Variants in RNASE9 observed in about 807,000 individuals in gnomAD.
RNASE9 encodes the protein inactive ribonuclease-like protein 9.
For synonymous variants in RNASE9, 95 were observed against 87.6 expected (o/e 1.08, Z -0.47); for missense variants, 263 against 247.1 (o/e 1.06, Z -0.43).
intron 1 of RNASE9, chr14:20,560,194 A>T: frequency 6.6e-6 from 1 of 152,282 alleles, no homozygotes; most frequent in East Asian, 1.9e-4. Context: ...TTTAAATTAA[A>T]TTAATTTTTA....
rs964096098 is a variant in RNASE9, at chr14:20,558,322, T to C, written c.-1253A>G. The stretch of plus-strand genomic sequence containing the variant: ...GCTGGATACTAAGTTTGTATATATG[T>C]GTGTAGAAAGGTTAGAGAATGATGG... On this transcript the variant is annotated 5_prime_UTR_variant, in exon 3 of 3. Transcript: ENST00000555230. 27 of 619,278 alleles carry C rather than the reference T, an allele frequency of 4.4e-5. 1 individual carries two copies. Among genetic ancestry groups the C allele is most frequent in the South Asian group, 2.7e-4 (14 of 52,582 alleles). The allele number at this position is 619,278 out of a possible 1,614,324, so 38.4% of individuals were successfully genotyped here.
chr14:20,556,589 T>C, exon 3 of RNASE9: 1 of 1,613,918 alleles, frequency 6.2e-7, no homozygotes, highest in Non-Finnish European at 8.5e-7. Flanking sequence ...ACGTAGCCCT[T>C]CCTATAAAGT....
Position 20,557,098 on chromosome 14 carries a change from G to A in RNASE9, c.-29C>T, listed in dbSNP as rs376444461. ...TCCTGCAGACACTAAAAGAGATAACGGGATATGTTCTATTGTGATAATGTG... is the reference window on the plus strand; with the variant it reads ...TCCTGCAGACACTAAAAGAGATAACAGGATATGTTCTATTGTGATAATGTG... On this transcript the variant is annotated 5_prime_UTR_variant, in exon 3 of 3. Coordinates refer to ENST00000555230, the Ensembl canonical transcript of RNASE9. 1.2e-5 allele frequency: 19 copies of A among 1,584,230 alleles called. No homozygotes were observed. Among genetic ancestry groups the A allele is most frequent in the Middle Eastern group, 1.7e-4 (1 of 5,914 alleles).
At chr14:20,556,727 T>C in exon 3 of RNASE9, 1 of 1,613,938 alleles carries the variant, frequency 6.2e-7, no homozygotes, top group East Asian at 2.2e-5. Context: ...TTGTAACAGA[T>C]TTTTTGGAGC....
chr14:20,556,714 C>G, exon 3 of RNASE9: 1 of 1,613,960 alleles, frequency 6.2e-7, no homozygotes, highest in Non-Finnish European at 8.5e-7. Context: ...TGGCACAAAT[C>G]TGTTGTAACA....
chr14:20,556,979 T>C lies in RNASE9; in HGVS notation c.91A>G (p.Thr31Ala), dbSNP rs779860869. Residue 31 changes from threonine to alanine, a missense_variant, in exon 3 of 3, where the codon ACA becomes GCA. By Grantham distance (58) the Thr-to-Ala change is moderately conservative. Transcript: ENST00000555230. Reference sequence around the variant, plus strand: ...TCTTCTTCTGGGAAATCAAAATCTGTATCCACCTCTTGAAACTGCACCAGC... The same window carrying C: ...TCTTCTTCTGGGAAATCAAAATCTGCATCCACCTCTTGAAACTGCACCAGC... 4.3e-6 allele frequency: 7 copies of C among 1,614,156 alleles called. No homozygotes were observed. In the Admixed American group the frequency reaches 1.2e-4, roughly 27 times the overall value.
chr14:20,558,725 G>A (rs995006438), intron 2 of RNASE9: 30 of 766,440 alleles, frequency 3.9e-5, no homozygotes, highest in South Asian at 1.5e-4. Context: ...TCTACTTCCC[G>A]AGAACATGCA....
chr14:20,559,122 T>C (rs1345204049), intron 2 of RNASE9, among the ~76,000 whole-genome samples: 2 of 149,922 alleles, frequency 1.3e-5, no homozygotes, highest in East Asian at 1.9e-4. Context: ...ATCATTTTAC[T>C]GTTTTTTTTT....
exon 2 of RNASE9, chr14:20,559,592 C>T (rs188048326): frequency 4.6e-5 from 7 of 152,314 alleles, no homozygotes; most frequent in Admixed American, 3.9e-4. Flanking sequence ...CTGTGGAATG[C>T]AGGCTTCTTG....
exon 3 of RNASE9, chr14:20,557,123 G>C (rs980879574): frequency 1.4e-5 from 21 of 1,538,750 alleles, no homozygotes; most frequent in Non-Finnish European, 1.7e-5. Context: ...GTGATAATGT[G>C]CTTGCTTCCA....
At chr14:20,560,259 T>C (rs1230387270) in intron 1 of RNASE9, 1 of 152,128 alleles carries the variant, frequency 6.6e-6, no homozygotes, top group Non-Finnish European at 1.5e-5. Context: ...CATGATCATA[T>C]AATAATTATA....
exon 3 of RNASE9, chr14:20,558,005 T>G (rs1308925980): frequency 6.0e-6 from 1 of 166,884 alleles, no homozygotes; most frequent in Non-Finnish European, 1.3e-5. Flanking sequence ...TCAGTCTGGT[T>G]TCCCTTCTTA....
chr14:20,556,566 A>G, exon 3 of RNASE9: 1 of 1,613,948 alleles, frequency 6.2e-7, no homozygotes, highest in African/African-American at 1.3e-5. Context: ...TTTGCCATGA[A>G]CAAGTGATAA....
intron 1 of RNASE9, among the ~76,000 whole-genome samples, chr14:20,559,984 C>A (rs991709928): frequency 6.6e-6 from 1 of 152,088 alleles, no homozygotes; most frequent in African/African-American, 2.4e-5. Context: ...TCTATCTAGT[C>A]TCTCCTCCTA....
exon 3 of RNASE9, chr14:20,556,919 A>G: frequency 1.2e-6 from 2 of 1,614,066 alleles, no homozygotes; most frequent in Non-Finnish European, 1.7e-6. Flanking sequence ...GTACTAAAAA[A>G]TTTTTCCAAA....
intron 2 of RNASE9, among the ~76,000 whole-genome samples, chr14:20,558,885 T>C (rs1485844706): frequency 6.6e-6 from 1 of 152,232 alleles, no homozygotes; most frequent in African/African-American, 2.4e-5. Flanking sequence ...TTGTTACTTT[T>C]ATAGATTTTT....
At chr14:20,556,511 C>G in exon 3 of RNASE9, 4 of 1,613,740 alleles carry the variant, frequency 2.5e-6, no homozygotes, top group Non-Finnish European at 3.4e-6. Flanking sequence ...TCAGGTGGCT[C>G]CACGAGATCA....
chr14:20,557,148 C>T, exon 3 of RNASE9: 1 of 1,441,222 alleles, frequency 6.9e-7, no homozygotes, highest in Non-Finnish European at 9.4e-7. Context: ...CTGTGTGGGG[C>T]ACAGTTATGC....
chr14:20,559,776 T>C (rs1566554013), intron 1 of RNASE9, 143 bp from the exon 2 acceptor site: 1 of 152,246 alleles, frequency 6.6e-6, no homozygotes, highest in Non-Finnish European at 1.5e-5. Context: ...GGAAAACGTT[T>C]GGCCCTTTCA....
Sources: allele counts gnomAD v4.1 joint callset (sites outside exome capture counted in the v4.1 genomes callset), GRCh38; gene constraint gnomAD v4.1.1; transcripts MANE v1.5; gene names NCBI Gene and HGNC (gene_info 2026-07-23, HGNC 2026-07-21).